The following PCDHA5 variants were observed in gnomAD, a reference collection of about 807,000 sequenced individuals.
PCDHA5 encodes the protein protocadherin alpha-5.
In PCDHA5, 43 loss-of-function variants were observed where a neutral mutation model predicts 61.6. The observed-to-expected ratio is 0.70, with a 90% CI of 0.55 to 0.90. The LOEUF is 0.90. Among genes scored for constraint, PCDHA5 ranks in the 40% least tolerant of loss-of-function variants. The pLI, the probability that PCDHA5 is intolerant of heterozygous loss-of-function variation, is 0.00. For synonymous variants in PCDHA5, 627 were observed against 543.9 expected, an observed-to-expected ratio of 1.15 and a Z score of -2.13; for missense variants, 1,298 against 1,222.7, an observed-to-expected ratio of 1.06 and a Z score of -0.92.
chr5:140,886,004 A>G lies in PCDHA5; in HGVS notation c.2352+61877A>G, dbSNP rs544401095. On this transcript the variant is annotated intron_variant, in intron 1 of 3. Transcript: ENST00000529859. Reference sequence around the variant, plus strand: ...TCGCATGTGGTTGAAAGAAATAGTAAAGGGAGATGCTATGTATTCTTCACT... The same window carrying G: ...TCGCATGTGGTTGAAAGAAATAGTAGAGGGAGATGCTATGTATTCTTCACT... Among the ~76,000 whole-genome samples, 7 of 152,268 alleles carry G rather than the reference A, an allele frequency of 4.6e-5. No homozygotes were observed. In the East Asian group the frequency reaches 1.3e-3, roughly 29 times the overall value.
chr5:140,849,138 A>G (rs2150253056), intron 1 of PCDHA5: 1 of 1,337,178 alleles, frequency 7.5e-7, no homozygotes, highest in South Asian at 1.3e-5. Flanking sequence ...GCTCACGGCC[A>G]CCGATGGAGG....
At chr5:140,874,397 T>A (rs1447759550) in intron 1 of PCDHA5, among the ~76,000 whole-genome samples, 3 of 152,230 alleles carry the variant, frequency 2.0e-5, no homozygotes, top group African/African-American at 7.2e-5. Flanking sequence ...CCCCCTTGCA[T>A]AACAGTCACC....
intron 1 of PCDHA5, chr5:140,850,397 G>A: frequency 1.3e-6 from 2 of 1,597,954 alleles, no homozygotes; most frequent in Non-Finnish European, 1.7e-6. Context: ...TCAGCACAAC[G>A]CGTGCCCTGG....
At chr5:140,940,940 G>T (rs187772223) in intron 1 of PCDHA5, among the ~76,000 whole-genome samples, 1 of 152,254 alleles carries the variant, frequency 6.6e-6, no homozygotes, top group Non-Finnish European at 1.5e-5. Context: ...CTTAGACTAC[G>T]TATTCTCAGA....
chr5:140,962,757 T>C (rs1554226219), intron 1 of PCDHA5, among the ~76,000 whole-genome samples: 1 of 152,240 alleles, frequency 6.6e-6, no homozygotes, highest in Non-Finnish European at 1.5e-5. Context: ...GGAATCCTAT[T>C]CGTTTTTAAC....
At chr5:140,864,091 A>C (rs564098013) in intron 1 of PCDHA5, 4 of 152,590 alleles carry the variant, frequency 2.6e-5, no homozygotes, top group Admixed American at 2.0e-4. Context: ...TTCAGTTGAT[A>C]AGTATAATGA....
intron 1 of PCDHA5, among the ~76,000 whole-genome samples, chr5:140,890,392 T>C (rs2062624449): frequency 6.6e-6 from 1 of 152,212 alleles, no homozygotes; most frequent in Admixed American, 6.5e-5. Flanking sequence ...TTAGATAATC[T>C]ATAAATTTTA....
In PCDHA5 at chr5:140,821,867, A is replaced by G. The variant is rs2150111364; in HGVS notation, c.92A>G (p.His31Arg). 51 of 1,614,024 alleles carry G rather than the reference A, an allele frequency of 3.2e-5. No homozygotes were observed. The highest frequency in any genetic ancestry group is 4.2e-5 in the Non-Finnish European group (49 of 1,180,036). Reference protein sequence around the residue: ...AYWKAGSGQLHYSIPEEAKHG... With the variant: ...AYWKAGSGQLRYSIPEEAKHG... The stretch of plus-strand genomic sequence containing the variant: ...TGGAAGGCAGGGAGCGGCCAGCTCC[A>G]CTACTCGATCCCGGAGGAAGCCAAA... Residue 31 changes from histidine (H) to arginine (R), a missense_variant, in exon 1 of 4, where the codon CAC (histidine) becomes CGC (arginine). Physicochemically the swap from His to Arg is conservative, Grantham distance 29. Transcript: ENST00000529859.
rs2150160654 is a variant in PCDHA5, at chr5:140,828,910, G to C, written c.2352+4783G>C. 5.1e-4 allele frequency: 824 copies of C among 1,613,504 alleles called. 1 individual carries two copies. Among genetic ancestry groups the C allele is most frequent in the East Asian group, 3.0e-3 (136 of 44,886 alleles). On this transcript the variant is annotated intron_variant, in intron 1 of 3. Coordinates refer to ENST00000529859, the MANE Select transcript of PCDHA5 (RefSeq NM_018908.3). ...ATGCTTCTGATCGGGATGAAGGAGC[G>C]AATGGGGCAATTTCATATTCTTTTA... is the stretch of plus-strand genomic sequence containing the variant.
chr5:140,992,017 C>CTG (rs10602499), intron 3 of PCDHA5, among the ~76,000 whole-genome samples: 19,643 of 145,468 alleles, frequency 0.14, 1,328 homozygotes, highest in East Asian at 0.18. Flanking sequence ...AGAGGTGGCT[C>CTG]TGTGTGTGTG....
intron 1 of PCDHA5, chr5:140,842,442 T>G (rs1777952178): frequency 1.2e-6 from 2 of 1,613,802 alleles, no homozygotes; most frequent in Non-Finnish European, 1.7e-6. Flanking sequence ...CTAATTAGCG[T>G]GAACGACCTC....
chr5:140,842,950 G>C, intron 1 of PCDHA5: 1 of 1,594,728 alleles, frequency 6.3e-7, no homozygotes, highest in South Asian at 1.1e-5. Context: ...CGGGCGTGCC[G>C]CCTCTGGGCA....
chr5:141,005,535 C>T (rs1254351919), intron 3 of PCDHA5, among the ~76,000 whole-genome samples: 2 of 151,078 alleles, frequency 1.3e-5, no homozygotes, highest in Non-Finnish European at 2.9e-5. Flanking sequence ...AACCCCGTCT[C>T]TACTAAAAAT....
intron 1 of PCDHA5, chr5:140,870,282 C>T (rs886699693): frequency 6.2e-7 from 1 of 1,614,228 alleles, no homozygotes; most frequent in Non-Finnish European, 8.5e-7. Context: ...CCCACGTTCC[C>T]TTCAAGCTGG....
intron 1 of PCDHA5, among the ~76,000 whole-genome samples, chr5:140,897,430 C>A (rs1297820601): frequency 6.7e-6 from 1 of 148,618 alleles, no homozygotes; most frequent in East Asian, 2.0e-4. Flanking sequence ...TGAGTGAGAA[C>A]ATGCAGTGTT....
intron 1 of PCDHA5, among the ~76,000 whole-genome samples, chr5:140,941,542 C>T (rs782270560): frequency 4.0e-5 from 6 of 151,842 alleles, no homozygotes; most frequent in Non-Finnish European, 7.4e-5. Context: ...GTCTTGAACT[C>T]CTGACCTCGT....
At chr5:140,853,080 C>A in intron 1 of PCDHA5, 1 of 301,148 alleles carries the variant, frequency 3.3e-6, no homozygotes, top group Non-Finnish European at 5.0e-6. Context: ...GGGGTTTCAC[C>A]GTGTTAGTCA....
chr5:140,836,096 T>C (rs2150252750), intron 1 of PCDHA5: 1 of 1,613,590 alleles, frequency 6.2e-7, no homozygotes, highest in Non-Finnish European at 8.5e-7. Flanking sequence ...CTCGGGTGGG[T>C]GGCACTGGTG....
In PCDHA5 at chr5:140,823,566, C is replaced by CCCT. The variant is rs1767771427; in HGVS notation, c.1792_1794dup (p.Pro598dup). 6.2e-7 allele frequency: 1 copy of CCCT among 1,613,826 alleles called. No individual in the cohort carries two copies. The highest frequency in any genetic ancestry group is 1.1e-5 in the South Asian group (1 of 91,082). On this transcript the variant is annotated inframe_insertion, in exon 1 of 4. Transcript: ENST00000529859. Reference sequence around the variant, plus strand: ...TGGTGGCGAAGGTGCGCGCAGTGGACCCTGATTCGGGCTACAACGCTTGGC... The same window carrying CCCT: ...TGGTGGCGAAGGTGCGCGCAGTGGACCCTCCTGATTCGGGCTACAACGCTTGGC...
Sources: allele counts gnomAD v4.1 joint callset (sites outside exome capture counted in the v4.1 genomes callset), GRCh38; gene constraint gnomAD v4.1.1; transcripts MANE v1.5; gene names NCBI Gene and HGNC (gene_info 2026-07-23, HGNC 2026-07-21).